Variants in DTL observed in about 807,000 individuals in gnomAD.
DTL encodes denticleless protein homolog.
DTL carries 46 observed loss-of-function variants against 87.0 expected under a neutral mutation model. The observed-to-expected ratio is 0.53, with a 90% confidence interval of 0.42 to 0.68. DTL has a LOEUF of 0.68. Ranked by LOEUF, DTL falls within the 30% of genes least tolerant of loss-of-function variation. The probability of loss-of-function intolerance (pLI) is 0.00; values close to 1 mark genes in which losing one functional copy is unlikely to be tolerated. For missense variants in DTL, 737 were observed against 869.4 expected (o/e 0.85, Z 1.91); for synonymous variants, 308 against 311.2 (o/e 0.99, Z 0.11).
At chr1:212,053,575 C>CT (rs1023698814) in intron 5 of DTL, among the ~76,000 whole-genome samples, 2 of 151,778 alleles carry the variant, frequency 1.3e-5, no homozygotes, top group African/African-American at 2.4e-5. Flanking sequence ...TTTTTTCTTC[C>CT]TTTTTTTGTT....
rs981875837 is a variant in DTL at position 212,104,148 on chromosome 1, A to G, written c.*1208A>G. On this transcript the variant is annotated 3_prime_UTR_variant, in exon 15 of 15. Coordinates refer to ENST00000366991, the MANE Select transcript of DTL (RefSeq NM_016448.4). ...TTATATTTTTCACCTTTGTAACCTC[A>G]TGGAAAGAGGCTTTACATACTTTCT... 1 of 151,870 alleles carries G rather than the reference A, an allele frequency of 6.6e-6. No homozygotes were observed. The highest frequency in any genetic ancestry group is 1.5e-5 in the Non-Finnish European group (1 of 67,942). 9.4% of individuals were successfully genotyped at this position (151,870 alleles called of 1,614,324 possible). A position where few individuals can be genotyped will look rare whatever the true frequency, so the allele number is the denominator to read the frequency against.
chr1:212,098,114 TAATGGAGGTGG>T (rs2102586256), intron 13 of DTL, among the ~76,000 whole-genome samples: 2 of 152,280 alleles, frequency 1.3e-5, no homozygotes, highest in South Asian at 4.1e-4. Context: ...GCACCTGCTC[TAATGGAGGTGG>T]TAGGAAAGGA....
At chr1:212,037,609 C>A (rs187990460) in intron 1 of DTL, among the ~76,000 whole-genome samples, 3 of 152,290 alleles carry the variant, frequency 2.0e-5, no homozygotes, top group Admixed American at 2.0e-4. Context: ...CACACAAACA[C>A]CACCGAACTT....
chr1:212,057,021 T>C (rs1003848682), intron 5 of DTL, among the ~76,000 whole-genome samples: 1 of 152,094 alleles, frequency 6.6e-6, no homozygotes, highest in Non-Finnish European at 1.5e-5. Context: ...TGGCCAAATA[T>C]ATGAATTTTC....
At chr1:212,057,149 A>G (rs1433320677) in intron 5 of DTL, among the ~76,000 whole-genome samples, 1 of 152,116 alleles carries the variant, frequency 6.6e-6, no homozygotes, top group Non-Finnish European at 1.5e-5. Flanking sequence ...GGAGGCTCCA[A>G]GATCCCCACA....
intron 13 of DTL, among the ~76,000 whole-genome samples, chr1:212,081,705 G>T (rs1654994733): frequency 6.6e-6 from 1 of 152,236 alleles, no homozygotes; most frequent in African/African-American, 2.4e-5. Flanking sequence ...AACAGAATAT[G>T]TTGAGGGATC....
At chr1:212,066,952 T>G in intron 8 of DTL, 67 bp downstream of exon 8, 1 of 1,286,486 alleles carries the variant, frequency 7.8e-7, no homozygotes, top group Non-Finnish European at 1.1e-6. Flanking sequence ...GGCAGTCACA[T>G]AGTCTCATTA....
chr1:212,057,174 A>G (rs1268544767), intron 5 of DTL, among the ~76,000 whole-genome samples: 1 of 152,150 alleles, frequency 6.6e-6, no homozygotes, highest in Non-Finnish European at 1.5e-5. Context: ...TATAATTCAA[A>G]AAGGTTTTTT....
chr1:212,096,380 A>C (rs550464993), intron 13 of DTL, among the ~76,000 whole-genome samples: 1 of 151,096 alleles, frequency 6.6e-6, no homozygotes, highest in East Asian at 2.0e-4. Context: ...ATTAAGTTCT[A>C]CTCTGGTCTT....
chr1:212,072,920 C>T (rs1407971098), intron 11 of DTL, among the ~76,000 whole-genome samples: 6 of 151,960 alleles, frequency 3.9e-5, no homozygotes, highest in Non-Finnish European at 7.4e-5. Context: ...CCTGCCACCA[C>T]GCCCGGCTAA....
rs904212099 is a variant in DTL, at chr1:212,062,899, G to T, written c.476G>T (p.Gly159Val). The T allele has an allele frequency of 1.2e-6, 2 of 1,613,404 alleles. No individual in the cohort carries two copies. Among genetic ancestry groups the T allele is most frequent in the African/African-American group, 2.7e-5 (2 of 74,908 alleles). ...SKFEKAVFCT[G>V]GRDGNIMVWD... ...TTCCCCACAGCTGTATTCTGTACGG[G>T]TGGAAGAGATGGCAACATTATGGTC... is the stretch of plus-strand genomic sequence containing the variant. Residue 159 changes from glycine to valine, a missense_variant, in exon 6 of 15, where the codon GGT becomes GTT. Coordinates refer to ENST00000366991, the MANE Select transcript of DTL (RefSeq NM_016448.4).
intron 2 of DTL, among the ~76,000 whole-genome samples, chr1:212,043,828 C>CAAAAAAAA (rs35962372): frequency 1.2e-5 from 1 of 83,700 alleles, no homozygotes; most frequent in African/African-American, 3.9e-5. Flanking sequence ...ACTTCATCTC[C>CAAAAAAAA]AAAAAAAAAA....
At chr1:212,067,767 T>C (rs1335254294) in intron 8 of DTL, among the ~76,000 whole-genome samples, 1 of 152,188 alleles carries the variant, frequency 6.6e-6, no homozygotes, top group Non-Finnish European at 1.5e-5. Flanking sequence ...ATTATCTCAA[T>C]AGATGAAATG....
chr1:212,089,362 C>T (rs530182019), intron 13 of DTL, among the ~76,000 whole-genome samples: 4 of 151,972 alleles, frequency 2.6e-5, no homozygotes, highest in South Asian at 2.1e-4. Flanking sequence ...CATGAAGAGA[C>T]GTAAAAATAA....
At chr1:212,099,278 G>A (rs1190635111) in intron 13 of DTL, among the ~76,000 whole-genome samples, 1 of 152,106 alleles carries the variant, frequency 6.6e-6, no homozygotes, top group Non-Finnish European at 1.5e-5. Context: ...TGTCAGGCAG[G>A]CTGGAGTGCA....
Position 212,080,659 on chromosome 1 carries a change from G to A in DTL, c.1170G>A (p.Leu390=), listed in dbSNP as rs146583803. ...SDDNTLKIWR[L]NRGLEEKPGG... ...ACAATACACTAAAAATCTGGCGCTT[G>A]AATAGAGGCTTAGAGGAGAAACCAG... Residue 390 remains leucine (L), a synonymous_variant, in exon 13 of 15, where the codon TTG becomes TTA. Coordinates refer to ENST00000366991, the MANE Select transcript of DTL (RefSeq NM_016448.4). 15 of 1,613,502 alleles carry A rather than the reference G, an allele frequency of 9.3e-6. No homozygotes were observed. Among genetic ancestry groups the A allele is most frequent in the Non-Finnish European group, 1.3e-5 (15 of 1,179,636 alleles).
At chr1:212,061,265 A>T (rs1387844199) in intron 5 of DTL, among the ~76,000 whole-genome samples, 1 of 151,700 alleles carries the variant, frequency 6.6e-6, no homozygotes, top group African/African-American at 2.4e-5. Flanking sequence ...AAAAAAAAGT[A>T]GGCAAAGACC....
chr1:212,078,108 T>C (rs1654885675), intron 11 of DTL, 65 bp from the exon 12 acceptor site: 3 of 982,334 alleles, frequency 3.1e-6, no homozygotes. Context: ...ACTTCTGAAT[T>C]CAAAGGCCTC....
At chr1:212,070,610 C>CAAAAAA (rs574962254) in intron 10 of DTL, among the ~76,000 whole-genome samples, 1 of 137,254 alleles carries the variant, frequency 7.3e-6, no homozygotes, top group African/African-American at 2.7e-5. Context: ...GACCCTGTCT[C>CAAAAAA]AAAAAAAAAA....
Sources: gnomAD v4.1 joint callset for allele counts (sites outside exome capture counted in the v4.1 genomes callset) on GRCh38, gnomAD v4.1.1 for gene constraint, MANE v1.5 for transcripts, NCBI Gene and HGNC (gene_info 2026-07-23, HGNC 2026-07-21) for gene names.